Variants in ADAMTSL1 observed in about 807,000 individuals in gnomAD.
ADAMTSL1 encodes ADAMTS-like protein 1.
In ADAMTSL1, 126 loss-of-function variants were observed where a neutral mutation model predicts 201.8. The ratio of observed to expected loss-of-function variants is 0.62; its 90% CI spans 0.54 to 0.72. The LOEUF (loss-of-function observed/expected upper bound fraction) is 0.72, where lower values mean the gene tolerates loss of function less well. Ranked by LOEUF, ADAMTSL1 falls within the 30% of genes least tolerant of loss-of-function variation. The pLI is 0.00. For missense variants in ADAMTSL1, 2,679 were observed against 2,277.8 expected, an observed-to-expected ratio of 1.18 and a Z score of -3.59; for synonymous variants, 1,121 against 903.4, an observed-to-expected ratio of 1.24 and a Z score of -4.32.
At chr9:18,359,837 C>CCCCA (rs557711954) in intron 2 of ADAMTSL1, among the ~76,000 whole-genome samples, 25 of 122,746 alleles carry the variant, frequency 2.0e-4, no homozygotes, top group East Asian at 1.7e-3. Context: ...GCCCCCCCGC[C>CCCCA]CACACAAAAT....
intron 23 of ADAMTSL1, among the ~76,000 whole-genome samples, chr9:18,870,345 T>C (rs1294544531): frequency 1.3e-5 from 2 of 152,230 alleles, no homozygotes; most frequent in Non-Finnish European, 2.9e-5. Flanking sequence ...AATTATGTTA[T>C]GTTCCTCTGA....
intron 4 of ADAMTSL1, among the ~76,000 whole-genome samples, chr9:18,600,607 T>G (rs1035600242): frequency 6.6e-6 from 1 of 152,172 alleles, no homozygotes; most frequent in African/African-American, 2.4e-5. Context: ...AAGTTCTGAT[T>G]ATCACTGGTG....
At chr9:18,437,196 C>G (rs1480375623) in intron 2 of ADAMTSL1, among the ~76,000 whole-genome samples, 1 of 152,120 alleles carries the variant, frequency 6.6e-6, no homozygotes, top group East Asian at 1.9e-4. Flanking sequence ...CACTGCTTAT[C>G]TTCATTTCCC....
chr9:18,209,641 A>T (rs904367140), intron 2 of ADAMTSL1, among the ~76,000 whole-genome samples: 1 of 152,186 alleles, frequency 6.6e-6, no homozygotes, highest in Admixed American at 6.6e-5. Flanking sequence ...ATCTTTAAGA[A>T]ATGCAAGTTT....
At chr9:18,594,949 T>C (rs1241645212) in intron 4 of ADAMTSL1, among the ~76,000 whole-genome samples, 1 of 152,206 alleles carries the variant, frequency 6.6e-6, no homozygotes, top group African/African-American at 2.4e-5. Context: ...CTTGTCCTTC[T>C]TCAGAGGGCC....
chr9:18,055,746 A>G (rs545943584), intron 1 of ADAMTSL1, among the ~76,000 whole-genome samples: 1 of 152,232 alleles, frequency 6.6e-6, no homozygotes, highest in African/African-American at 2.4e-5. Flanking sequence ...GATATTTATG[A>G]TAGAGAAGAA....
At chr9:17,946,058 ATGTG>A (rs769591352) in intron 1 of ADAMTSL1, among the ~76,000 whole-genome samples, 3 of 148,262 alleles carry the variant, frequency 2.0e-5, no homozygotes, top group African/African-American at 7.5e-5. Flanking sequence ...CATGATGTGT[ATGTG>A]TGTGTGTGTG....
rs1409605735 is a variant in ADAMTSL1, at chr9:18,283,885, T to C, written c.207+119904T>C. On this transcript the variant is annotated intron_variant, in intron 2 of 29. Coordinates refer to the ADAMTSL1 transcript ENST00000680146. ...TGAGATTGAGATTGTGCCACTGCACTCTAGCCTGGGCAACAGAGCAAGACT... is the reference window on the plus strand; with the variant it reads ...TGAGATTGAGATTGTGCCACTGCACCCTAGCCTGGGCAACAGAGCAAGACT... Among the ~76,000 whole-genome samples, 3 of 116,404 alleles carry C rather than the reference T, an allele frequency of 2.6e-5. No homozygotes were observed. The East Asian group carries it at 7.3e-4, about 28-fold the overall frequency. 76.4% of individuals were successfully genotyped at this position (116,404 alleles called of 152,430 possible).
chr9:18,577,986 CT>C (rs71304880), intron 4 of ADAMTSL1, among the ~76,000 whole-genome samples: 46,588 of 142,228 alleles, frequency 0.33, 7,990 homozygotes, highest in East Asian at 0.71. Context: ...TTACTTTTCT[CT>C]TTTTTTTTTT....
chr9:18,494,706 C>T (rs1001353208), intron 1 of ADAMTSL1, among the ~76,000 whole-genome samples: 4 of 152,304 alleles, frequency 2.6e-5, no homozygotes, highest in Admixed American at 6.5e-5. Flanking sequence ...ACCCTATATC[C>T]AATGGCTCTT....
chr9:18,368,234 G>A (rs1485652047), intron 2 of ADAMTSL1, among the ~76,000 whole-genome samples: 1 of 152,066 alleles, frequency 6.6e-6, no homozygotes, highest in Non-Finnish European at 1.5e-5. Context: ...TTTTAAAAGT[G>A]TATCACATGC....
intron 15 of ADAMTSL1, among the ~76,000 whole-genome samples, chr9:18,730,807 G>T (rs1588002894): frequency 6.6e-6 from 1 of 152,206 alleles, no homozygotes; most frequent in African/African-American, 2.4e-5. Flanking sequence ...TGCTGGAACA[G>T]CTGAAAGTGG....
intron 1 of ADAMTSL1, among the ~76,000 whole-genome samples, chr9:18,087,022 C>T (rs1823798003): frequency 6.6e-6 from 1 of 152,084 alleles, no homozygotes; most frequent in Non-Finnish European, 1.5e-5. Context: ...AAGTCATCTC[C>T]CAGTCAACAT....
At chr9:18,841,812 A>G (rs572286544) in intron 23 of ADAMTSL1, among the ~76,000 whole-genome samples, 82 of 152,248 alleles carry the variant, frequency 5.4e-4, no homozygotes, top group Middle Eastern at 3.4e-3. Flanking sequence ...TAGATTTTCT[A>G]GTTTATTTGC....
chr9:18,684,863 C>T, intron 13 of ADAMTSL1, 63 bp downstream of exon 13: 2 of 1,544,610 alleles, frequency 1.3e-6, no homozygotes, highest in South Asian at 1.2e-5. Flanking sequence ...AAAGCAGTGT[C>T]TCACTGGTTG....
intron 2 of ADAMTSL1, among the ~76,000 whole-genome samples, chr9:18,451,957 C>G (rs558336168): frequency 6.6e-6 from 1 of 152,220 alleles, no homozygotes; most frequent in African/African-American, 2.4e-5. Context: ...GTTTCCCAGG[C>G]TGGTGTGCAA....
chr9:18,091,657 T>A (rs1824022980), intron 1 of ADAMTSL1, among the ~76,000 whole-genome samples: 1 of 152,162 alleles, frequency 6.6e-6, no homozygotes, highest in Non-Finnish European at 1.5e-5. Context: ...TTTTTTTGGA[T>A]TATTAGTTTT....
intron 2 of ADAMTSL1, among the ~76,000 whole-genome samples, chr9:18,343,656 T>A (rs1835569983): frequency 6.6e-6 from 1 of 152,130 alleles, no homozygotes; most frequent in African/African-American, 2.4e-5. Context: ...GGATAAAGAA[T>A]GAGGAGATGA....
At chr9:18,868,199 C>T (rs759350636) in intron 23 of ADAMTSL1, among the ~76,000 whole-genome samples, 3 of 152,182 alleles carry the variant, frequency 2.0e-5, no homozygotes, top group Non-Finnish European at 4.4e-5. Context: ...CTTTCTTCCT[C>T]AGTATGCACA....
Sources: gnomAD v4.1 joint callset for allele counts (sites outside exome capture counted in the v4.1 genomes callset) on GRCh38, gnomAD v4.1.1 for gene constraint, MANE v1.5 for transcripts, NCBI Gene and HGNC (gene_info 2026-07-23, HGNC 2026-07-21) for gene names.